Variants in NPAS2 observed in about 807,000 individuals in gnomAD.
The protein encoded by NPAS2 is neuronal PAS domain protein 2, also known as neuronal PAS domain-containing protein 2.
NPAS2 carries 23 observed loss-of-function variants against 107.5 expected under a neutral mutation model. The ratio of observed to expected loss-of-function variants is 0.21; its 90% confidence interval spans 0.15 to 0.30. NPAS2 has a LOEUF of 0.30. Ranked by LOEUF, NPAS2 falls within the 10% of genes least tolerant of loss-of-function variation. The pLI, the probability that NPAS2 is intolerant of heterozygous loss-of-function variation, is 1.00. For synonymous variants in NPAS2, 403 were observed against 417.5 expected, an observed-to-expected ratio of 0.97 and a Z score of 0.42; for missense variants, 756 against 1,043.3, an observed-to-expected ratio of 0.72 and a Z score of 3.79.
chr2:100,824,196 T>C (rs1406466113), intron 1 of NPAS2, among the ~76,000 whole-genome samples: 1 of 152,116 alleles, frequency 6.6e-6, no homozygotes, highest in Non-Finnish European at 1.5e-5. Context: ...GAGATTCAAT[T>C]TGGTTTACCA....
At chr2:100,822,969 A>G (rs1676162302) in intron 1 of NPAS2, among the ~76,000 whole-genome samples, 1 of 152,194 alleles carries the variant, frequency 6.6e-6, no homozygotes, top group Non-Finnish European at 1.5e-5. Flanking sequence ...TCTGATTAGC[A>G]TGTTCCTGAT....
intron 20 of NPAS2, chr2:100,995,028 C>T (rs576517362): frequency 3.5e-5 from 8 of 226,552 alleles, no homozygotes; most frequent in Admixed American, 1.7e-4. Context: ...TGTTTGGATT[C>T]TGCCCTGTCA....
At chr2:100,875,635 C>T (rs1201985802) in intron 1 of NPAS2, among the ~76,000 whole-genome samples, 2 of 152,202 alleles carry the variant, frequency 1.3e-5, no homozygotes, top group Admixed American at 1.3e-4. Flanking sequence ...AAGGCGCGGG[C>T]AGGGCTGCCT....
intron 12 of NPAS2, among the ~76,000 whole-genome samples, chr2:100,973,375 G>T (rs564977128): frequency 1.3e-3 from 192 of 152,296 alleles, no homozygotes; most frequent in African/African-American, 4.1e-3. Context: ...GGGCATCAAG[G>T]TTCCTCCGGG....
intron 10 of NPAS2, among the ~76,000 whole-genome samples, chr2:100,967,864 G>A (rs770541962): frequency 3.9e-5 from 6 of 152,332 alleles, no homozygotes; most frequent in Middle Eastern, 3.4e-3. Flanking sequence ...CACAGAATCC[G>A]TCCAGAGGTT....
upstream of NPAS2, among the ~76,000 whole-genome samples, chr2:100,819,576 C>T (rs1390650772): frequency 6.6e-6 from 1 of 152,182 alleles, no homozygotes. This position sits in a 1 kb window ranked among gnomAD's most constrained non-coding sequence, Gnocchi z 5.8. Flanking sequence ...CGCAACCCTG[C>T]CCCTGGAGGA....
intron 16 of NPAS2, chr2:100,985,932 T>C (rs1294618110): frequency 6.6e-6 from 1 of 152,244 alleles, no homozygotes; most frequent in South Asian, 2.1e-4. Flanking sequence ...GTTGGATTTA[T>C]TCAAACTCTA....
chr2:100,901,485 G>T, intron 1 of NPAS2: 7 of 984,442 alleles, frequency 7.1e-6, no homozygotes, highest in Non-Finnish European at 8.4e-6. Context: ...ACCCAGAACT[G>T]GAAGAGCCCC....
chr2:100,992,294 A>G (rs1678181214), intron 19 of NPAS2, among the ~76,000 whole-genome samples: 1 of 152,202 alleles, frequency 6.6e-6, no homozygotes, highest in Non-Finnish European at 1.5e-5. Context: ...ACGTGCCTGT[A>G]ATCCCAGCTA....
At chr2:100,971,677 G>T (rs140431716) in intron 12 of NPAS2, among the ~76,000 whole-genome samples, 15 of 152,246 alleles carry the variant, frequency 9.9e-5, no homozygotes, top group African/African-American at 3.1e-4. Flanking sequence ...TCCCTCCACA[G>T]AGTCTCTTCC....
rs535354672 is a variant in NPAS2, at chr2:100,871,642, C to T, written c.-22-33091C>T. ...CACCACGCCTGGCCTGCCTACTTCT[C>T]TCTTCTTAACTCTTCCCTAGAGCAT... On this transcript the variant is annotated intron_variant, in intron 1 of 20. Coordinates refer to ENST00000335681, the MANE Select transcript of NPAS2 (RefSeq NM_002518.4). Among the ~76,000 whole-genome samples the T allele has an allele frequency of 3.3e-5, 5 of 152,106 alleles. No individual in the cohort carries two copies. The East Asian group carries it at 9.8e-4, about 30-fold the overall frequency.
intron 1 of NPAS2, among the ~76,000 whole-genome samples, chr2:100,842,389 C>T (rs972868200): frequency 5.9e-5 from 9 of 152,102 alleles, no homozygotes; most frequent in African/African-American, 1.9e-4. Context: ...ATGCATCGTG[C>T]GCCATCCCTT....
chr2:100,873,992 T>C (rs1159813316), intron 1 of NPAS2, among the ~76,000 whole-genome samples: 2 of 151,944 alleles, frequency 1.3e-5, no homozygotes, highest in African/African-American at 4.8e-5. Flanking sequence ...TTTTTTGTTT[T>C]TTTTTGAGAT....
Position 100,968,666 on chromosome 2 carries a change from GGCCCCTTTGAAC to G in NPAS2, c.1055+242_1055+253del, listed in dbSNP as rs1676372269. On this transcript the variant is annotated intron_variant, in intron 11 of 20. Coordinates refer to ENST00000335681, the MANE Select transcript of NPAS2 (RefSeq NM_002518.4). This position sits in a 1 kb window ranked among gnomAD's most constrained non-coding sequence, Gnocchi z 5.3. ...GAGACTCCTTTCAAGCTCTCAGTCAGGCCCCTTTGAACGCCTCATGGACTCTCGCAGGCTGCC... is the reference window on the plus strand; with the variant it reads ...GAGACTCCTTTCAAGCTCTCAGTCAGGCCTCATGGACTCTCGCAGGCTGCC... 1.3e-5 allele frequency among the ~76,000 whole-genome samples: 2 copies of G among 152,278 alleles called. No homozygotes were observed. The highest frequency in any genetic ancestry group is 1.3e-4 in the Admixed American group (2 of 15,300).
chr2:100,970,018 C>T (rs1011015949), intron 11 of NPAS2, among the ~76,000 whole-genome samples: 3 of 152,202 alleles, frequency 2.0e-5, no homozygotes, highest in African/African-American at 4.8e-5. Context: ...TTCCTTAACA[C>T]GCAGAAGAGG....
chr2:100,989,592 C>A (rs1478484204), intron 17 of NPAS2: 1 of 152,204 alleles, frequency 6.6e-6, no homozygotes, highest in Non-Finnish European at 1.5e-5. Flanking sequence ...ACAGAAAACC[C>A]AAAGCAGGTG....
intron 2 of NPAS2, among the ~76,000 whole-genome samples, chr2:100,919,861 C>G (rs1400161170): frequency 1.3e-5 from 2 of 152,138 alleles, no homozygotes; most frequent in African/African-American, 4.8e-5. Context: ...GGGCTCCCTC[C>G]TTGGTGAGCA....
At chr2:100,951,965 T>C (rs545149681) in intron 7 of NPAS2, among the ~76,000 whole-genome samples, 14 of 151,324 alleles carry the variant, frequency 9.3e-5, no homozygotes, top group African/African-American at 1.5e-4. Context: ...CTGGCTAACA[T>C]GGTGAAACCC....
chr2:100,982,011 A>G (rs1677470493), intron 15 of NPAS2, among the ~76,000 whole-genome samples: 1 of 152,202 alleles, frequency 6.6e-6, no homozygotes. Flanking sequence ...CTGCTGTCAT[A>G]GCCAGCCTGA....
Sources: gnomAD v4.1 joint callset for allele counts (sites outside exome capture counted in the v4.1 genomes callset) on GRCh38, gnomAD v4.1.1 for gene constraint, Gnocchi (gnomAD v3.1) non-coding constraint, MANE v1.5 for transcripts, NCBI Gene and HGNC (gene_info 2026-07-23, HGNC 2026-07-21) for gene names.